Variants in NID2 observed in about 807,000 individuals in gnomAD.
NID2 encodes nidogen 2.
A neutral mutation model predicts 145.4 loss-of-function variants in NID2; 83 were observed. The ratio of observed to expected loss-of-function variants is 0.57; its 90% CI spans 0.48 to 0.69. The LOEUF (loss-of-function observed/expected upper bound fraction) is 0.69. Among genes scored for constraint, NID2 ranks in the 30% least tolerant of loss-of-function variants. The pLI is 0.00. For synonymous variants in NID2, 739 were observed against 701.3 expected (o/e 1.05, Z -0.85); for missense variants, 1,807 against 1,765.7 (o/e 1.02, Z -0.42).
intron 9 of NID2, among the ~76,000 whole-genome samples, chr14:52,034,589 G>A (rs1016045100): frequency 2.2e-4 from 33 of 152,152 alleles, no homozygotes; most frequent in Admixed American, 6.5e-5. Context: ...CTCATTACAA[G>A]TCACTTTCGC....
At position 52,006,413 on chromosome 14, in the gene NID2, T is replaced by C. The variant is rs924302175; in HGVS notation, c.4004+124A>G. On this transcript the variant is annotated intron_variant, in intron 20 of 21. Transcript: ENST00000216286. ...AGGATCTTATCTGCCAATGAGGAGG[T>C]GATGAAACAAAAGCCTCAGAGGGCT... The C allele has an allele frequency of 5.4e-5, 53 of 984,390 alleles. 2 individuals are homozygous for C. The Middle Eastern group carries it at 1.4e-3, about 26-fold the overall frequency. The allele number at this position is 984,390 out of a possible 1,614,324, so 61.0% of individuals were successfully genotyped here.
intron 9 of NID2, among the ~76,000 whole-genome samples, chr14:52,031,639 C>T (rs1852758401): frequency 6.6e-6 from 1 of 152,228 alleles, no homozygotes; most frequent in African/African-American, 2.4e-5. Flanking sequence ...CCAGTTCTCA[C>T]TACTCACAGA....
chr14:52,028,553 C>A (rs781204976), intron 11 of NID2, 169 bp downstream of exon 11: 2 of 678,492 alleles, frequency 2.9e-6, no homozygotes, highest in East Asian at 3.2e-5. Flanking sequence ...TGATTACAGG[C>A]GTGAGCCACC....
Position 52,030,587 on chromosome 14 carries a change from A to AACGG in NID2, c.2258-898_2258-897insCCGT, listed in dbSNP as rs1891808606. Among the ~76,000 whole-genome samples the AACGG allele has an allele frequency of 7.3e-5, 3 of 41,082 alleles. No homozygotes were observed. In the Admixed American group the frequency reaches 7.4e-4, roughly 10 times the overall value. 27.0% of individuals were successfully genotyped at this position (41,082 alleles called of 152,430 possible). A position where few individuals can be genotyped will look rare whatever the true frequency, so the allele number is the denominator to read the frequency against. ...AAGAAAGGAAGGAAGGGAAAGAAAGAAAGAAAGAAAGAAAGAAAGAGAAAG... is the reference window on the plus strand; with the variant it reads ...AAGAAAGGAAGGAAGGGAAAGAAAGAACGGAAGAAAGAAAGAAAGAAAGAGAAAG... On this transcript the variant is annotated intron_variant, in intron 9 of 21. Coordinates refer to ENST00000216286, the MANE Select transcript of NID2 (RefSeq NM_007361.4).
At chr14:52,044,800 G>A (rs181330494) in intron 5 of NID2, among the ~76,000 whole-genome samples, 1 of 151,810 alleles carries the variant, frequency 6.6e-6, no homozygotes. Flanking sequence ...AGGGTGGGTT[G>A]GGGGGAGGGG....
At chr14:52,052,253 C>G (rs1164082926) in intron 5 of NID2, among the ~76,000 whole-genome samples, 3 of 152,176 alleles carry the variant, frequency 2.0e-5, no homozygotes, top group African/African-American at 7.2e-5. Flanking sequence ...AATGTGGTCC[C>G]TTAGGCACAA....
At chr14:52,043,498 A>T (rs1201931161) in intron 5 of NID2, among the ~76,000 whole-genome samples, 1 of 152,232 alleles carries the variant, frequency 6.6e-6, no homozygotes, top group African/African-American at 2.4e-5. Context: ...AGAGGAGGGC[A>T]AAACAACAGG....
At chr14:52,013,847 TTAAC>T (rs934640324) in intron 16 of NID2, among the ~76,000 whole-genome samples, 11 of 152,186 alleles carry the variant, frequency 7.2e-5, no homozygotes, top group African/African-American at 2.4e-4. Context: ...GAGACAGTCA[TTAAC>T]TGACTTCCAC....
intron 3 of NID2, among the ~76,000 whole-genome samples, chr14:52,059,091 T>C (rs1237485945): frequency 6.6e-6 from 1 of 152,238 alleles, no homozygotes; most frequent in East Asian, 1.9e-4. Context: ...ATAGGCAATT[T>C]ACTTAACTTC....
chr14:52,048,200 C>T (rs1892570541), intron 5 of NID2, among the ~76,000 whole-genome samples: 20 of 152,188 alleles, frequency 1.3e-4, no homozygotes. Flanking sequence ...AAGCTGAGCT[C>T]AGTGCTTACG....
chr14:52,044,405 G>A (rs926277596), intron 5 of NID2, among the ~76,000 whole-genome samples: 1 of 107,706 alleles, frequency 9.3e-6, no homozygotes, highest in Non-Finnish European at 2.1e-5. Flanking sequence ...GAGTAGCTGG[G>A]ACTACAGGCA....
intron 14 of NID2, among the ~76,000 whole-genome samples, chr14:52,018,706 C>G (rs1397786343): frequency 6.6e-6 from 1 of 152,200 alleles, no homozygotes; most frequent in Admixed American, 6.5e-5. Context: ...TCCTTCTGGT[C>G]AAAACGCCAG....
chr14:52,068,052 C>T lies in NID2; in HGVS notation c.340G>A (p.Asp114Asn), dbSNP rs201256717. 38 of 1,613,642 alleles carry T rather than the reference C, an allele frequency of 2.4e-5. No individual in the cohort carries two copies. The highest frequency in any genetic ancestry group is 3.0e-5 in the Non-Finnish European group (35 of 1,179,838). The change falls in exon 2 of 22, where the codon GAC becomes AAC. Residue 114 changes from aspartate (D) to asparagine (N), a missense_variant. By Grantham distance (23) the Asp-to-Asn change is conservative. Transcript: ENST00000216286. Reference sequence around the variant, plus strand: ...ACTCGGCCTCTGCCGTGGCTCGTGTCGATGTCCGCCAGAAAAGGGGCGATG... The same window carrying T: ...ACTCGGCCTCTGCCGTGGCTCGTGTTGATGTCCGCCAGAAAAGGGGCGATG... ...PAIAPFLADI[D>N]TSHGRGRVLY...
intron 9 of NID2, among the ~76,000 whole-genome samples, chr14:52,037,565 T>C (rs1286925668): frequency 2.0e-5 from 3 of 152,238 alleles, no homozygotes; most frequent in African/African-American, 7.2e-5. Flanking sequence ...TTGATTACTC[T>C]AGATTTCGAG....
rs374863053 is a variant in NID2 at position 52,042,378 on chromosome 14, T to C, written c.1580-28A>G. 4.1e-5 allele frequency: 65 copies of C among 1,590,624 alleles called. No individual in the cohort carries two copies. The African/African-American group carries it at 6.4e-4, about 16-fold the overall frequency. ...AAAAGACAGCAAATCCAGTTAGGCT[T>C]GGACGTCATCCTGGCTAGAGATGGG... On this transcript the variant is annotated intron_variant, in intron 6 of 21. Coordinates refer to ENST00000216286, the MANE Select transcript of NID2 (RefSeq NM_007361.4).
intron 3 of NID2, among the ~76,000 whole-genome samples, chr14:52,055,786 C>T (rs891879798): frequency 1.3e-5 from 2 of 152,294 alleles, no homozygotes; most frequent in East Asian, 1.9e-4. Flanking sequence ...TGAGGAATAA[C>T]AGTCCATGCC....
At chr14:52,017,346 G>A (rs750983194) in intron 14 of NID2, among the ~76,000 whole-genome samples, 1 of 152,072 alleles carries the variant, frequency 6.6e-6, no homozygotes, top group Non-Finnish European at 1.5e-5. Flanking sequence ...TAAGTATTTT[G>A]AAATTGTGGG....
In NID2 at chr14:52,005,282, A is replaced by G; in HGVS notation, c.*204T>C. The stretch of plus-strand genomic sequence containing the variant: ...GTTACCTTTTTAAACTTGCAATAAC[A>G]ACCTTCATTTTTAAAAATACAGTAG... On this transcript the variant is annotated 3_prime_UTR_variant, in exon 22 of 22. Coordinates refer to ENST00000216286, the MANE Select transcript of NID2 (RefSeq NM_007361.4). 1 of 414,384 alleles carries G rather than the reference A, an allele frequency of 2.4e-6. No individual in the cohort carries two copies. The highest frequency in any genetic ancestry group is 4.2e-6 in the Non-Finnish European group (1 of 237,414). 25.7% of individuals were successfully genotyped at this position (414,384 alleles called of 1,614,324 possible).
intron 14 of NID2, 36 bp downstream of exon 14, chr14:52,019,025 G>A: frequency 6.5e-7 from 1 of 1,533,936 alleles, no homozygotes; most frequent in Non-Finnish European, 9.0e-7. Flanking sequence ...TACCACCAGT[G>A]CCATTCTGCT....
Sources: gnomAD v4.1 joint callset for allele counts (sites outside exome capture counted in the v4.1 genomes callset) on GRCh38, gnomAD v4.1.1 for gene constraint, MANE v1.5 for transcripts, NCBI Gene and HGNC (gene_info 2026-07-23, HGNC 2026-07-21) for gene names.